The following PLVAP variants were observed in gnomAD, a reference collection of about 807,000 sequenced individuals.
PLVAP encodes plasmalemma vesicle associated protein.
In PLVAP, 34 loss-of-function variants were observed where a neutral mutation model predicts 43.1. The observed-to-expected ratio is 0.79, with a 90% CI of 0.60 to 1.05. The LOEUF (loss-of-function observed/expected upper bound fraction) is 1.05, where lower values mean the gene tolerates loss of function less well. PLVAP is among the 50% of genes least tolerant of loss of function. The pLI is 0.00. For synonymous variants in PLVAP, 241 were observed against 237.3 expected (o/e 1.02, Z -0.14); for missense variants, 574 against 593.4 (o/e 0.97, Z 0.34).
intron 1 of PLVAP, among the ~76,000 whole-genome samples, chr19:17,366,478 TAAAC>T (rs892052107): frequency 2.6e-5 from 4 of 152,020 alleles, no homozygotes; most frequent in Admixed American, 6.6e-5. Context: ...CAAAAATAAA[TAAAC>T]AAAAATATAG....
intron 5 of PLVAP, among the ~76,000 whole-genome samples, chr19:17,353,532 G>A (rs188352255): frequency 1.1e-3 from 160 of 152,030 alleles, no homozygotes; most frequent in African/African-American, 3.1e-3. Flanking sequence ...CAGCCACACC[G>A]GCCTCTTCCC....
intron 1 of PLVAP, among the ~76,000 whole-genome samples, chr19:17,368,924 G>A (rs117005948): frequency 0.01 from 1,528 of 152,236 alleles, 26 homozygotes; most frequent in East Asian, 0.096. Flanking sequence ...GTTGCAGTGA[G>A]CCGAGATCGC....
At chr19:17,354,612 A>C (rs2074498960) in intron 5 of PLVAP, among the ~76,000 whole-genome samples, 1 of 149,068 alleles carries the variant, frequency 6.7e-6, no homozygotes, top group Middle Eastern at 3.6e-3. Flanking sequence ...AAAAAAAAAA[A>C]AAAGGGCCGG....
chr19:17,376,533 C>T lies in PLVAP; in HGVS notation c.369+387G>A, dbSNP rs141420989. On this transcript the variant is annotated intron_variant, in intron 1 of 5. Coordinates refer to ENST00000252590, the MANE Select transcript of PLVAP (RefSeq NM_031310.3). The stretch of plus-strand genomic sequence containing the variant: ...AATCTATCGGCCGGGTGCAGTGGCT[C>T]ACGCTTGTAATCCCAACAATTTGGG... 2.9e-3 allele frequency among the ~76,000 whole-genome samples: 434 copies of T among 152,172 alleles called. 1 individual carries two copies. Among genetic ancestry groups the T allele is most frequent in the African/African-American group, 9.7e-3 (402 of 41,498 alleles).
intron 5 of PLVAP, among the ~76,000 whole-genome samples, chr19:17,356,079 C>A (rs182613104): frequency 1.4e-3 from 217 of 152,112 alleles, no homozygotes; most frequent in African/African-American, 5.0e-3. Flanking sequence ...GAGGCCAAGG[C>A]GGGCGGACTG....
At chr19:17,358,987 AG>A (rs1389996827) in intron 5 of PLVAP, among the ~76,000 whole-genome samples, 1 of 150,354 alleles carries the variant, frequency 6.7e-6, no homozygotes, top group Non-Finnish European at 1.5e-5. Flanking sequence ...TTTTGTACAG[AG>A]GGGGTTTTGC....
intron 5 of PLVAP, among the ~76,000 whole-genome samples, chr19:17,354,596 CAAAAA>C (rs33950167): frequency 5.8e-5 from 5 of 85,538 alleles, no homozygotes; most frequent in Non-Finnish European, 6.9e-5. Flanking sequence ...GACTCTGTCT[CAAAAA>C]AAAAAAAAAA....
At position 17,377,012 on chromosome 19, in the gene PLVAP, G is replaced by T. The variant is rs1217549417; in HGVS notation, c.277C>A (p.Arg93Ser). The change falls in exon 1 of 6, where the codon CGC (arginine) becomes AGC (serine). Residue 93 changes from arginine (R) to serine (S), a missense_variant. Physicochemically the swap from Arg to Ser is moderately radical, Grantham distance 110 (BLOSUM62 -1). Transcript: ENST00000252590. ...ATCTGCATGATGGCATCCTTGGCGC[G>T]GGTGGTGAAGTTGAGCTCCTTGGTC... is the stretch of plus-strand genomic sequence containing the variant. The part of the protein sequence containing the change: ...NLTKELNFTT[R>S]AKDAIMQMWL... 1.9e-6 allele frequency: 3 copies of T among 1,614,176 alleles called. No homozygotes were observed. In the East Asian group the frequency reaches 6.7e-5, roughly 36 times the overall value.
At chr19:17,368,064 ATTTTTTT>A (rs34115667) in intron 1 of PLVAP, among the ~76,000 whole-genome samples, 64 of 76,030 alleles carry the variant, frequency 8.4e-4, no homozygotes, top group Admixed American at 9.8e-4. Context: ...TGCCCGGCTA[ATTTTTTT>A]TTTTTTTTTT....
chr19:17,365,990 A>T lies in PLVAP; in HGVS notation c.475T>A (p.Phe159Ile), dbSNP rs1314101904. The change falls in exon 3 of 6, where the codon TTC becomes ATC. Residue 159 changes from phenylalanine to isoleucine, a missense_variant. Transcript: ENST00000252590. ...DMNKSCDALL[F>I]MLNQKVKTLE... is the part of the protein sequence containing the mutation. ...GTCTTCACCTTCTGATTCAGCATGA[A>T]GAGCAAGGCTAAGGAAAACAGGACC... 4 of 1,612,698 alleles carry T rather than the reference A, an allele frequency of 2.5e-6. No individual in the cohort carries two copies. Among genetic ancestry groups the T allele is most frequent in the Non-Finnish European group, 3.4e-6 (4 of 1,178,886 alleles).
chr19:17,365,283 C>T lies in PLVAP; in HGVS notation c.1179+3G>A. 1.2e-6 allele frequency: 2 copies of T among 1,604,416 alleles called. No homozygotes were observed. The highest frequency in any genetic ancestry group is 1.7e-6 in the Non-Finnish European group (2 of 1,174,568). On this transcript the variant is annotated splice_donor_region_variant and intron_variant, in intron 3 of 5. Transcript: ENST00000252590. ...AGCCTCCCTCTGGGGCCTGCAAGCC[C>T]ACCTTGGTCTTGATGCAGGTGTCCA...
chr19:17,365,236 C>A (rs1206459087), intron 3 of PLVAP, 50 bp downstream of exon 3: 3 of 1,524,934 alleles, frequency 2.0e-6, no homozygotes, highest in African/African-American at 2.8e-5. Flanking sequence ...ACCCTCTTGG[C>A]ATCTGGACCT....
At chr19:17,360,906 T>C in intron 3 of PLVAP, 74 bp from the exon 4 acceptor site, 1 of 1,329,328 alleles carries the variant, frequency 7.5e-7, no homozygotes, top group Non-Finnish European at 1.0e-6. Context: ...TTCTTTTCTT[T>C]TCTTTTTCTT....
intron 1 of PLVAP, among the ~76,000 whole-genome samples, chr19:17,375,463 A>G (rs1245234065): frequency 6.6e-6 from 1 of 152,196 alleles, no homozygotes; most frequent in African/African-American, 2.4e-5. Flanking sequence ...TACAGTTTAA[A>G]AAAAATGTTG....
At chr19:17,365,081 C>G (rs544817038) in intron 3 of PLVAP, among the ~76,000 whole-genome samples, 1 of 152,122 alleles carries the variant, frequency 6.6e-6, no homozygotes, top group South Asian at 2.1e-4. Context: ...CACTCTAATT[C>G]CATTCTTAAC....
At chr19:17,357,618 C>T (rs187322554) in intron 5 of PLVAP, among the ~76,000 whole-genome samples, 263 of 152,000 alleles carry the variant, frequency 1.7e-3, no homozygotes, top group African/African-American at 5.9e-3. Context: ...GAGCTATGAT[C>T]GTGCCACTGC....
At chr19:17,354,897 C>CA (rs35716757) in intron 5 of PLVAP, among the ~76,000 whole-genome samples, 5 of 134,130 alleles carry the variant, frequency 3.7e-5, no homozygotes, top group East Asian at 4.3e-4. Flanking sequence ...GACTCCGTCT[C>CA]AAAAAAAAAA....
chr19:17,376,687 A>G (rs1193508402), intron 1 of PLVAP, among the ~76,000 whole-genome samples: 1 of 152,060 alleles, frequency 6.6e-6, no homozygotes, highest in Non-Finnish European at 1.5e-5. Flanking sequence ...AATCCCAGCT[A>G]CTCGGGAGGC....
rs1041525638 is a variant in PLVAP at position 17,360,719 on chromosome 19, T to A, written c.1240+53A>T. 8 of 1,585,888 alleles carry A rather than the reference T, an allele frequency of 5.0e-6. No homozygotes were observed. The African/African-American group carries it at 1.1e-4, about 21-fold the overall frequency. ...GTGGGAAAGTGGGGCTGGGGTGGGG[T>A]TCGAGGTGGAAAGGGGCCCCTCCCC... On this transcript the variant is annotated intron_variant, in intron 4 of 5. Transcript: ENST00000252590.
Sources: allele counts gnomAD v4.1 joint callset (sites outside exome capture counted in the v4.1 genomes callset), GRCh38; gene constraint gnomAD v4.1.1; transcripts MANE v1.5; gene names NCBI Gene and HGNC (gene_info 2026-07-23, HGNC 2026-07-21).